Variants in ADCY5 observed in about 807,000 individuals in gnomAD.
ADCY5 encodes the protein adenylate cyclase type 5.
ADCY5 carries 30 observed loss-of-function variants against 119.7 expected under a neutral mutation model. The ratio of observed to expected loss-of-function variants is 0.25; its 90% confidence interval spans 0.19 to 0.34. The LOEUF (loss-of-function observed/expected upper bound fraction) is 0.34. Ranked by LOEUF, ADCY5 falls within the 10% of genes least tolerant of loss-of-function variation. ADCY5 has a pLI of 1.00. For synonymous variants in ADCY5, 753 were observed against 762.2 expected (o/e 0.99, Z 0.20); for missense variants, 1,324 against 1,775.2 (o/e 0.75, Z 4.57).
At chr3:123,295,372 AG>A (rs111664841) in intron 17 of ADCY5, among the ~76,000 whole-genome samples, 3,503 of 152,314 alleles carry the variant, frequency 0.023, 127 homozygotes, top group African/African-American at 0.078. Flanking sequence ...GGCAGCCCAC[AG>A]GAAGACAGGG....
chr3:123,410,157 C>T (rs1485880670), intron 1 of ADCY5, among the ~76,000 whole-genome samples: 1 of 152,164 alleles, frequency 6.6e-6, no homozygotes, highest in Non-Finnish European at 1.5e-5. Flanking sequence ...TCCACCAGAA[C>T]TAGGAGAATG....
At chr3:123,310,283 C>T (rs1233106866) in intron 12 of ADCY5, among the ~76,000 whole-genome samples, 1 of 151,912 alleles carries the variant, frequency 6.6e-6, no homozygotes, top group African/African-American at 2.4e-5. Flanking sequence ...AGGGGAGTCA[C>T]CATTTGGGCG....
chr3:123,375,624 A>T (rs1009329947), intron 1 of ADCY5, among the ~76,000 whole-genome samples: 1 of 152,266 alleles, frequency 6.6e-6, no homozygotes, highest in African/African-American at 2.4e-5. Context: ...GTCTGCCCCA[A>T]GAATGCTCGA....
chr3:123,347,680 A>G, intron 3 of ADCY5, 102 bp downstream of exon 3: 5 of 1,477,932 alleles, frequency 3.4e-6, no homozygotes, highest in Admixed American at 1.8e-5. Flanking sequence ...AAAGTCACCA[A>G]GCCACCCTGT....
intron 1 of ADCY5, among the ~76,000 whole-genome samples, chr3:123,436,772 C>A (rs1325520141): frequency 6.6e-6 from 1 of 151,954 alleles, no homozygotes; most frequent in Non-Finnish European, 1.5e-5. Flanking sequence ...CATATCATTC[C>A]TCAAGTCCAG....
intron 15 of ADCY5, among the ~76,000 whole-genome samples, chr3:123,298,779 C>G (rs890368899): frequency 1.4e-4 from 21 of 148,248 alleles, no homozygotes; most frequent in Non-Finnish European, 2.5e-4. Flanking sequence ...CTTCCTCTCA[C>G]TCAAAGAAGG....
chr3:123,428,468 C>G (rs1239349102), intron 1 of ADCY5, among the ~76,000 whole-genome samples: 1 of 152,206 alleles, frequency 6.6e-6, no homozygotes, highest in Non-Finnish European at 1.5e-5. Flanking sequence ...TCCATCTCCT[C>G]GCTCCCTTGC....
intron 1 of ADCY5, among the ~76,000 whole-genome samples, chr3:123,387,455 A>C (rs533376579): frequency 6.6e-6 from 1 of 152,330 alleles, no homozygotes; most frequent in Admixed American, 6.5e-5. Context: ...GTAGGTATTA[A>C]TTGCCCAGGA....
intron 1 of ADCY5, 96 bp downstream of exon 1, chr3:123,447,316 C>T (rs1041742819): frequency 2.3e-5 from 31 of 1,319,796 alleles, no homozygotes; most frequent in Non-Finnish European, 3.1e-5. Context: ...GCTCTTTTCA[C>T]CATTCGAAAG....
intron 1 of ADCY5, among the ~76,000 whole-genome samples, chr3:123,354,361 G>T (rs1942962495): frequency 6.6e-6 from 1 of 152,190 alleles, no homozygotes; most frequent in African/African-American, 2.4e-5. Context: ...AAGCATGAGG[G>T]AACAAAGACC....
At chr3:123,414,895 G>A (rs757751023) in intron 1 of ADCY5, among the ~76,000 whole-genome samples, 2 of 152,144 alleles carry the variant, frequency 1.3e-5, no homozygotes, top group African/African-American at 2.4e-5. Context: ...CTGGAGGATC[G>A]ACAGATGAGG....
intron 1 of ADCY5, among the ~76,000 whole-genome samples, chr3:123,357,593 C>T (rs538150876): frequency 6.6e-6 from 1 of 152,256 alleles, no homozygotes; most frequent in Non-Finnish European, 1.5e-5. Context: ...AACACAAAAC[C>T]AGGCAGGCAG....
At chr3:123,337,037 A>G (rs1255917223) in intron 3 of ADCY5, among the ~76,000 whole-genome samples, 2 of 152,106 alleles carry the variant, frequency 1.3e-5, no homozygotes, top group Non-Finnish European at 2.9e-5. Context: ...AGGGTTGAGA[A>G]CCACCACACT....
intron 11 of ADCY5, 85 bp downstream of exon 11, chr3:123,317,935 C>T (rs768845110): frequency 3.6e-5 from 45 of 1,266,342 alleles, no homozygotes; most frequent in Middle Eastern, 3.7e-4. Context: ...ACTCCCTGCT[C>T]TGTTCTCCTA....
At chr3:123,353,206 G>A (rs998619939) in intron 1 of ADCY5, among the ~76,000 whole-genome samples, 19 of 152,100 alleles carry the variant, frequency 1.2e-4, no homozygotes, top group Admixed American at 1.2e-3. Context: ...GCCAGTGCCT[G>A]CCATTTCCCC....
At chr3:123,402,558 G>A (rs1027461893) in intron 1 of ADCY5, among the ~76,000 whole-genome samples, 1 of 152,192 alleles carries the variant, frequency 6.6e-6, no homozygotes, top group East Asian at 1.9e-4. Flanking sequence ...ATGTTTAAAG[G>A]AGCCCTAGTC....
In ADCY5 at chr3:123,284,536, C is replaced by T. The variant is rs995355921; in HGVS notation, c.*72G>A. On this transcript the variant is annotated 3_prime_UTR_variant, in exon 21 of 21. Coordinates refer to ENST00000462833, the MANE Select transcript of ADCY5 (RefSeq NM_183357.3). ...GGGCTGGAGCATGGCTTCCCCGCCA[C>T]CCCCGGCACACAGAGAAGCTGCTTC... The T allele has an allele frequency of 3.8e-6, 6 of 1,592,168 alleles. No individual in the cohort carries two copies. The African/African-American group carries it at 6.7e-5, about 18-fold the overall frequency.
At chr3:123,400,749 A>G (rs1298533651) in intron 1 of ADCY5, among the ~76,000 whole-genome samples, 1 of 152,168 alleles carries the variant, frequency 6.6e-6, no homozygotes, top group Non-Finnish European at 1.5e-5. Context: ...GTTCGAGACC[A>G]GCCTGACCAA....
chr3:123,300,697 C>A (rs944931680), intron 14 of ADCY5, among the ~76,000 whole-genome samples: 1 of 152,200 alleles, frequency 6.6e-6, no homozygotes, highest in African/African-American at 2.4e-5. Context: ...CTGCAGTGTC[C>A]AGCACCCTCA....
Sources: allele counts gnomAD v4.1 joint callset (sites outside exome capture counted in the v4.1 genomes callset), GRCh38; gene constraint gnomAD v4.1.1; transcripts MANE v1.5; gene names NCBI Gene and HGNC (gene_info 2026-07-23, HGNC 2026-07-21).